ADCY2: variants seen among roughly 807,000 people sequenced by gnomAD.
ADCY2 encodes adenylate cyclase 2.
In ADCY2, 31 loss-of-function variants were observed where a neutral mutation model predicts 125.2. The observed-to-expected ratio is 0.25, with a 90% CI of 0.19 to 0.33. The LOEUF is 0.33. Among genes scored for constraint, ADCY2 ranks in the 10% least tolerant of loss-of-function variants. ADCY2 has a pLI of 1.00. For missense variants in ADCY2, 904 were observed against 1,418.2 expected, an observed-to-expected ratio of 0.64 and a Z score of 5.82; for synonymous variants, 512 against 548.4, an observed-to-expected ratio of 0.93 and a Z score of 0.93.
At chr5:7,491,197 TACTC>T (rs1216237376) in intron 2 of ADCY2, among the ~76,000 whole-genome samples, 2 of 152,228 alleles carry the variant, frequency 1.3e-5, no homozygotes, top group African/African-American at 2.4e-5. Flanking sequence ...AATTCTATGA[TACTC>T]AGGATGTATT....
At chr5:7,588,303 A>G (rs1242056396) in intron 3 of ADCY2, among the ~76,000 whole-genome samples, 1 of 152,218 alleles carries the variant, frequency 6.6e-6, no homozygotes, top group African/African-American at 2.4e-5. Context: ...TAAATAGGAA[A>G]TGTGGACATA....
intron 4 of ADCY2, among the ~76,000 whole-genome samples, chr5:7,675,146 A>G (rs1407064308): frequency 6.7e-6 from 1 of 149,974 alleles, no homozygotes; most frequent in Non-Finnish European, 1.5e-5. Flanking sequence ...TGAAAGAGTG[A>G]TACTCTGTCT....
intron 19 of ADCY2, among the ~76,000 whole-genome samples, chr5:7,784,886 T>C (rs1031193815): frequency 6.6e-6 from 1 of 152,212 alleles, no homozygotes; most frequent in East Asian, 1.9e-4. Flanking sequence ...CAATCATTCC[T>C]AGAAATATGA....
intron 4 of ADCY2, among the ~76,000 whole-genome samples, chr5:7,655,622 A>G (rs915221599): frequency 1.3e-5 from 2 of 152,184 alleles, no homozygotes; most frequent in East Asian, 1.9e-4. Flanking sequence ...TACCAAGTCC[A>G]TTGATTCAAT....
In ADCY2 at chr5:7,772,368, G is replaced by A. The variant is rs114728772; in HGVS notation, c.2215-564G>A. 2.9e-3 allele frequency among the ~76,000 whole-genome samples: 438 copies of A among 152,190 alleles called. 3 individuals are homozygous for A. Among genetic ancestry groups the A allele is most frequent in the African/African-American group, 0.01 (417 of 41,520 alleles). On this transcript the variant is annotated intron_variant, in intron 17 of 24. Coordinates refer to ENST00000338316, the MANE Select transcript of ADCY2 (RefSeq NM_020546.3). The stretch of plus-strand genomic sequence containing the variant: ...TTCTTCTGGTGCCTGTCAAACTCCC[G>A]GGGGGATTCATGACTCACCCTGGTC...
intron 3 of ADCY2, among the ~76,000 whole-genome samples, chr5:7,582,379 T>A (rs1561108131): frequency 6.6e-6 from 1 of 152,010 alleles, no homozygotes; most frequent in Non-Finnish European, 1.5e-5. Flanking sequence ...ACACAAGCCA[T>A]TTCAAAAATT....
chr5:7,655,229 G>A (rs144153347), intron 4 of ADCY2, among the ~76,000 whole-genome samples: 2 of 152,316 alleles, frequency 1.3e-5, no homozygotes, highest in Non-Finnish European at 2.9e-5. Context: ...TGTTGCTTGT[G>A]TTGTTATTTC....
chr5:7,436,761 G>T (rs1740819373), intron 2 of ADCY2, among the ~76,000 whole-genome samples: 1 of 152,228 alleles, frequency 6.6e-6, no homozygotes, highest in Non-Finnish European at 1.5e-5. Flanking sequence ...CATGTAAAGA[G>T]AGCCTAAGGA....
chr5:7,624,013 A>C (rs930729047), intron 3 of ADCY2, among the ~76,000 whole-genome samples: 1 of 151,970 alleles, frequency 6.6e-6, no homozygotes, highest in Non-Finnish European at 1.5e-5. Context: ...CGTTTTAGGA[A>C]CTCTCTGGCC....
intron 3 of ADCY2, among the ~76,000 whole-genome samples, chr5:7,621,890 C>G (rs1737966510): frequency 6.6e-6 from 1 of 152,188 alleles, no homozygotes. Context: ...CACGGTTCCA[C>G]TTACACAGAT....
intron 3 of ADCY2, among the ~76,000 whole-genome samples, chr5:7,530,098 A>G (rs1734592518): frequency 2.6e-5 from 4 of 152,152 alleles, no homozygotes; most frequent in Admixed American, 2.6e-4. Context: ...CAATCTGTAA[A>G]ATGGCAGCAG....
chr5:7,448,237 A>C (rs1741348072), intron 2 of ADCY2, among the ~76,000 whole-genome samples: 1 of 152,142 alleles, frequency 6.6e-6, no homozygotes, highest in South Asian at 2.1e-4. Flanking sequence ...ACCCTGTCCT[A>C]CTTGTCTCAA....
intron 3 of ADCY2, among the ~76,000 whole-genome samples, chr5:7,619,997 A>C (rs10061232): frequency 0.052 from 7,953 of 152,252 alleles, 663 homozygotes; most frequent in African/African-American, 0.18. Flanking sequence ...AACTTTCTAT[A>C]ACGATCTGAG....
At chr5:7,821,379 T>A (rs1745293918) in intron 24 of ADCY2, among the ~76,000 whole-genome samples, 1 of 152,190 alleles carries the variant, frequency 6.6e-6, no homozygotes, top group Non-Finnish European at 1.5e-5. Flanking sequence ...TTATTAGAAC[T>A]ATGCTGAAAC....
intron 3 of ADCY2, among the ~76,000 whole-genome samples, chr5:7,596,277 C>G (rs1021622998): frequency 2.2e-4 from 7 of 31,980 alleles, no homozygotes; most frequent in Non-Finnish European, 5.7e-4. Context: ...CCAAAAACTC[C>G]CCCCCCCCAC....
At chr5:7,481,165 T>C (rs747256183) in intron 2 of ADCY2, among the ~76,000 whole-genome samples, 1 of 152,172 alleles carries the variant, frequency 6.6e-6, no homozygotes, top group Non-Finnish European at 1.5e-5. Context: ...CTCTTAAGGA[T>C]AGTAGCCATT....
chr5:7,734,746 C>T (rs1401131738), intron 14 of ADCY2, among the ~76,000 whole-genome samples: 1 of 152,078 alleles, frequency 6.6e-6, no homozygotes, highest in Non-Finnish European at 1.5e-5. Flanking sequence ...TTTGTTGTTC[C>T]CTGGTGTCTT....
chr5:7,762,706 CT>C (rs1743262671), intron 16 of ADCY2, among the ~76,000 whole-genome samples: 1 of 149,756 alleles, frequency 6.7e-6, no homozygotes, highest in Non-Finnish European at 1.5e-5. Flanking sequence ...AGGAGTACAG[CT>C]TTTCATGTTT....
chr5:7,702,326 C>T (rs541101519), intron 7 of ADCY2, among the ~76,000 whole-genome samples: 10 of 151,256 alleles, frequency 6.6e-5, no homozygotes, highest in Admixed American at 6.6e-5. Context: ...TGTGCTGCAC[C>T]TATTAACTCG....
Sources: gnomAD v4.1 joint callset for allele counts (sites outside exome capture counted in the v4.1 genomes callset) on GRCh38, gnomAD v4.1.1 for gene constraint, MANE v1.5 for transcripts, NCBI Gene and HGNC (gene_info 2026-07-23, HGNC 2026-07-21) for gene names.